Variants in EBF1 observed in about 807,000 individuals in gnomAD.
EBF1 encodes the protein transcription factor COE1.
In EBF1, 10 loss-of-function variants were observed where a neutral mutation model predicts 68.4. The observed-to-expected ratio is 0.15, with a 90% CI of 0.09 to 0.25. The LOEUF (loss-of-function observed/expected upper bound fraction) is 0.25, where lower values mean the gene tolerates loss of function less well. Ranked by LOEUF, EBF1 falls within the 10% of genes least tolerant of loss-of-function variation. The pLI is 1.00. For missense variants in EBF1, 509 were observed against 794.4 expected, an observed-to-expected ratio of 0.64 and a Z score of 4.32; for synonymous variants, 298 against 299.8, an observed-to-expected ratio of 0.99 and a Z score of 0.06.
chr5:158,704,392 T>A (rs1757416230), intron 15 of EBF1, among the ~76,000 whole-genome samples: 1 of 152,106 alleles, frequency 6.6e-6, no homozygotes, highest in Non-Finnish European at 1.5e-5. Context: ...TAGTTGGAGG[T>A]AAATAGGCCT....
At chr5:158,710,537 T>C (rs1016727326) in intron 14 of EBF1, among the ~76,000 whole-genome samples, 1 of 152,192 alleles carries the variant, frequency 6.6e-6, no homozygotes. Flanking sequence ...ATCCTAAACA[T>C]TGACTTGTGA....
chr5:158,701,479 C>G (rs1756759970), intron 15 of EBF1, among the ~76,000 whole-genome samples: 1 of 152,090 alleles, frequency 6.6e-6, no homozygotes, highest in African/African-American at 2.4e-5. Context: ...AACTGATGTA[C>G]CAGTTCATAG....
chr5:158,832,573 A>G (rs1166419610), intron 7 of EBF1, among the ~76,000 whole-genome samples: 2 of 152,260 alleles, frequency 1.3e-5, no homozygotes, highest in Admixed American at 6.5e-5. Context: ...TTGTCAAAAC[A>G]ATATAACAAT....
rs1561652944 is a variant in EBF1, at chr5:158,696,021, G to C, written c.*3090C>G. 5.1e-6 allele frequency: 1 copy of C among 197,864 alleles called. No individual in the cohort carries two copies. 12.3% of individuals were successfully genotyped at this position (197,864 alleles called of 1,614,324 possible). A position where few individuals can be genotyped will look rare whatever the true frequency, so the allele number is the denominator to read the frequency against. On this transcript the variant is annotated 3_prime_UTR_variant, in exon 16 of 16. Transcript: ENST00000313708. ...AAAAAAAAATTTAACAATCTCTACA[G>C]TAGTTAGGTTCTCTAACAATTGAAC...
intron 6 of EBF1, among the ~76,000 whole-genome samples, chr5:158,854,587 C>T (rs1052975153): frequency 6.6e-6 from 1 of 152,158 alleles, no homozygotes; most frequent in Admixed American, 6.5e-5. Context: ...TTTCCCAGGG[C>T]ACTTAATTTA....
chr5:158,827,807 A>G (rs1034046531), intron 7 of EBF1, among the ~76,000 whole-genome samples: 2 of 152,216 alleles, frequency 1.3e-5, no homozygotes, highest in African/African-American at 4.8e-5. Context: ...AACATGTTGA[A>G]ATTTGTATCT....
intron 10 of EBF1, among the ~76,000 whole-genome samples, chr5:158,738,780 T>C: frequency 6.6e-6 from 1 of 152,242 alleles, no homozygotes; most frequent in East Asian, 1.9e-4. Flanking sequence ...TTTATGTTAA[T>C]ATTGATGAAC....
chr5:159,084,925 C>T (rs1394557479), intron 4 of EBF1, among the ~76,000 whole-genome samples, 186 bp from the exon 5 acceptor site: 4 of 152,284 alleles, frequency 2.6e-5, no homozygotes, highest in Non-Finnish European at 5.9e-5. Flanking sequence ...AGGCATGTTC[C>T]TCTCTGCCCC....
rs567742425 is a variant in EBF1, at chr5:158,755,646, AT to A, written c.1036+21766del. ...AAAGAAATACAGGGATTGGGAAGGC[AT>A]TTTGAGATATTTGATGGACTTGGAA... On this transcript the variant is annotated intron_variant, in intron 10 of 15. Coordinates refer to ENST00000313708, the MANE Select transcript of EBF1 (RefSeq NM_024007.5). Among the ~76,000 whole-genome samples the A allele has an allele frequency of 1.4e-4, 21 of 152,286 alleles. No individual in the cohort carries two copies. In the East Asian group the frequency reaches 4.1e-3, roughly 29 times the overall value.
intron 6 of EBF1, among the ~76,000 whole-genome samples, chr5:158,976,118 A>T (rs1164827456): frequency 6.6e-6 from 1 of 152,226 alleles, no homozygotes; most frequent in African/African-American, 2.4e-5. Context: ...GGTCCTTTTT[A>T]TGTAACACAT....
At chr5:159,097,522 C>G (rs1782868349) in intron 1 of EBF1, 1 of 253,722 alleles carries the variant, frequency 3.9e-6, no homozygotes, top group African/African-American at 2.2e-5. Context: ...TTCCGGCACC[C>G]CTCGAATCTC....
chr5:158,738,740 T>G (rs987428428), intron 10 of EBF1, among the ~76,000 whole-genome samples: 1 of 152,264 alleles, frequency 6.6e-6, no homozygotes, highest in African/African-American at 2.4e-5. Flanking sequence ...TTTATATTTT[T>G]GTAGTCCTTT....
intron 9 of EBF1, among the ~76,000 whole-genome samples, chr5:158,786,305 C>T (rs532262413): frequency 1.3e-5 from 2 of 152,080 alleles, no homozygotes; most frequent in African/African-American, 4.8e-5. Flanking sequence ...AACAAAATGG[C>T]AACAAGATCA....
At chr5:158,982,683 T>TG (rs891336796) in intron 6 of EBF1, among the ~76,000 whole-genome samples, 1 of 96,512 alleles carries the variant, frequency 1.0e-5, no homozygotes, top group Non-Finnish European at 2.0e-5. Context: ...TCCAGCTTGC[T>TG]TTTTTTTGGA....
At chr5:158,786,414 A>T (rs1314652931) in intron 9 of EBF1, among the ~76,000 whole-genome samples, 1 of 151,574 alleles carries the variant, frequency 6.6e-6, no homozygotes, top group Non-Finnish European at 1.5e-5. Flanking sequence ...TTTATTTTGT[A>T]ATTTATTTTT....
chr5:159,089,981 C>T (rs1387939680), intron 4 of EBF1, among the ~76,000 whole-genome samples: 2 of 151,748 alleles, frequency 1.3e-5, no homozygotes, highest in Non-Finnish European at 2.9e-5. Flanking sequence ...AAAACTGTAC[C>T]TTGAAAATAT....
At chr5:158,794,515 C>G (rs1430273349) in intron 9 of EBF1, among the ~76,000 whole-genome samples, 1 of 152,112 alleles carries the variant, frequency 6.6e-6, no homozygotes, top group Non-Finnish European at 1.5e-5. Flanking sequence ...ATTCCATATT[C>G]AATGGAGTCC....
At chr5:159,006,308 A>G (rs1228331398) in intron 6 of EBF1, among the ~76,000 whole-genome samples, 2 of 152,106 alleles carry the variant, frequency 1.3e-5, no homozygotes, top group Non-Finnish European at 2.9e-5. Flanking sequence ...TAATTAAGTG[A>G]TAATTTCCAC....
Position 158,990,053 on chromosome 5 carries a change from C to T in EBF1, c.554+83343G>A, listed in dbSNP as rs145197940. Among the ~76,000 whole-genome samples the T allele has an allele frequency of 8.3e-4, 127 of 152,218 alleles. 1 individual carries two copies. Among genetic ancestry groups the T allele is most frequent in the African/African-American group, 2.8e-3 (118 of 41,518 alleles). Reference sequence around the variant, plus strand: ...ACCATTGGAGGGGGTGATTAAGAGACGGATCAGGAAGCTTCAAAGAGGGAG... The same window carrying T: ...ACCATTGGAGGGGGTGATTAAGAGATGGATCAGGAAGCTTCAAAGAGGGAG... On this transcript the variant is annotated intron_variant, in intron 6 of 15. Coordinates refer to ENST00000313708, the MANE Select transcript of EBF1 (RefSeq NM_024007.5).
Sources: gnomAD v4.1 joint callset for allele counts (sites outside exome capture counted in the v4.1 genomes callset) on GRCh38, gnomAD v4.1.1 for gene constraint, MANE v1.5 for transcripts, NCBI Gene and HGNC (gene_info 2026-07-23, HGNC 2026-07-21) for gene names.